The following ST6GALNAC5 variants were observed in gnomAD, a reference collection of about 807,000 sequenced individuals.
ST6GALNAC5 encodes the protein alpha-N-acetylgalactosaminide alpha-2,6-sialyltransferase 5.
ST6GALNAC5 carries 27 observed loss-of-function variants against 33.6 expected under a neutral mutation model. The ratio of observed to expected loss-of-function variants is 0.80; its 90% CI spans 0.59 to 1.11. The LOEUF (loss-of-function observed/expected upper bound fraction) is 1.11, where lower values mean the gene tolerates loss of function less well. Ranked by LOEUF, ST6GALNAC5 falls within the 50% of genes least tolerant of loss-of-function variation. ST6GALNAC5 has a pLI of 0.00. For synonymous variants in ST6GALNAC5, 194 were observed against 171.2 expected (o/e 1.13, Z -1.04); for missense variants, 428 against 454.0 (o/e 0.94, Z 0.52).
At chr1:76,919,207 C>T (rs966959912) in intron 2 of ST6GALNAC5, among the ~76,000 whole-genome samples, 4 of 152,092 alleles carry the variant, frequency 2.6e-5, no homozygotes, top group Non-Finnish European at 4.4e-5. Context: ...GCTTCCAGGC[C>T]GCCTCAGTAA....
At position 76,971,405 on chromosome 1, in the gene ST6GALNAC5, G is replaced by A. The variant is rs978598256; in HGVS notation, c.262-72799G>A. Among the ~76,000 whole-genome samples, 8 of 152,036 alleles carry A rather than the reference G, an allele frequency of 5.3e-5. No individual in the cohort carries two copies. The East Asian group carries it at 5.8e-4, about 11-fold the overall frequency. The stretch of plus-strand genomic sequence containing the variant: ...CACTTGCGTGGGATATTGATTTCAC[G>A]GAGGATGGTGAGTGAGAAACCACTA... On this transcript the variant is annotated intron_variant, in intron 2 of 4. Coordinates refer to ENST00000477717, the MANE Select transcript of ST6GALNAC5 (RefSeq NM_030965.3).
intron 3 of ST6GALNAC5, among the ~76,000 whole-genome samples, chr1:77,045,299 C>T (rs1390087563): frequency 6.6e-6 from 1 of 152,194 alleles, no homozygotes; most frequent in Non-Finnish European, 1.5e-5. Context: ...ATAGAAAAGA[C>T]ATTATCAGCA....
intron 2 of ST6GALNAC5, among the ~76,000 whole-genome samples, chr1:76,965,089 G>A (rs1387966729): frequency 1.3e-5 from 2 of 152,146 alleles, no homozygotes; most frequent in Non-Finnish European, 2.9e-5. Flanking sequence ...TGTCTTTATA[G>A]TAGCATGATT....
chr1:76,886,256 A>G (rs1407225065), intron 2 of ST6GALNAC5, among the ~76,000 whole-genome samples: 1 of 151,808 alleles, frequency 6.6e-6, no homozygotes, highest in Non-Finnish European at 1.5e-5. Context: ...CATTTTCTTT[A>G]TCTTATTTTA....
intron 2 of ST6GALNAC5, among the ~76,000 whole-genome samples, chr1:76,936,151 T>A (rs1647200724): frequency 1.3e-5 from 2 of 152,054 alleles, no homozygotes; most frequent in South Asian, 4.1e-4. Flanking sequence ...AATAGATACC[T>A]CTAGTTGGGT....
intron 2 of ST6GALNAC5, among the ~76,000 whole-genome samples, chr1:76,938,750 A>G (rs1647256234): frequency 6.6e-6 from 1 of 152,122 alleles, no homozygotes; most frequent in Admixed American, 6.5e-5. Flanking sequence ...GAATCCCTGG[A>G]ACAACTAGGA....
chr1:76,991,033 C>G (rs1454543980), intron 2 of ST6GALNAC5, among the ~76,000 whole-genome samples: 1 of 152,124 alleles, frequency 6.6e-6, no homozygotes, highest in Non-Finnish European at 1.5e-5. Flanking sequence ...ATCTCACCCT[C>G]TCTGTGTCAC....
chr1:77,027,156 T>C (rs1372437472), intron 2 of ST6GALNAC5, among the ~76,000 whole-genome samples: 1 of 152,250 alleles, frequency 6.6e-6, no homozygotes, highest in Non-Finnish European at 1.5e-5. Flanking sequence ...TTCACGGTTC[T>C]GTAATGTACT....
At chr1:77,060,789 A>G (rs1652550384) in intron 4 of ST6GALNAC5, among the ~76,000 whole-genome samples, 3 of 152,130 alleles carry the variant, frequency 2.0e-5, no homozygotes, top group Admixed American at 1.3e-4. Flanking sequence ...TAGGTGCCGA[A>G]TCAATCTTAT....
At chr1:77,059,044 T>C (rs1332037227) in intron 4 of ST6GALNAC5, among the ~76,000 whole-genome samples, 1 of 152,238 alleles carries the variant, frequency 6.6e-6, no homozygotes, top group Non-Finnish European at 1.5e-5. Context: ...TTTGTTGTTA[T>C]GATATGTATT....
chr1:77,059,658 A>C (rs1032992669), intron 4 of ST6GALNAC5, among the ~76,000 whole-genome samples: 1 of 152,096 alleles, frequency 6.6e-6, no homozygotes, highest in Non-Finnish European at 1.5e-5. Flanking sequence ...CTTGGGAGAG[A>C]TACTTTCAGG....
At chr1:76,972,573 A>G (rs1414119237) in intron 2 of ST6GALNAC5, among the ~76,000 whole-genome samples, 1 of 152,216 alleles carries the variant, frequency 6.6e-6, no homozygotes, top group African/African-American at 2.4e-5. Context: ...TACTTAAATC[A>G]GTCCCTTACT....
intron 2 of ST6GALNAC5, among the ~76,000 whole-genome samples, chr1:76,968,286 T>C (rs1366882760): frequency 6.6e-6 from 1 of 152,232 alleles, no homozygotes; most frequent in Non-Finnish European, 1.5e-5. Context: ...TGCATATATA[T>C]TAAGGATAGT....
intron 4 of ST6GALNAC5, among the ~76,000 whole-genome samples, chr1:77,057,006 C>T (rs1345710921): frequency 6.6e-6 from 1 of 152,194 alleles, no homozygotes; most frequent in African/African-American, 2.4e-5. Flanking sequence ...TTCTCAATGC[C>T]TCATAGTGTC....
intron 2 of ST6GALNAC5, among the ~76,000 whole-genome samples, chr1:77,003,646 T>G (rs1233347273): frequency 6.6e-6 from 1 of 152,158 alleles, no homozygotes; most frequent in Non-Finnish European, 1.5e-5. Context: ...TTCCTTTCCA[T>G]GTTTAGCGCT....
chr1:76,877,672 T>C (rs1653677953), intron 2 of ST6GALNAC5, among the ~76,000 whole-genome samples: 3 of 152,234 alleles, frequency 2.0e-5, no homozygotes. Flanking sequence ...AAGTCCAGTG[T>C]GTTTGCTACT....
chr1:76,870,570 G>T (rs1261040006), intron 2 of ST6GALNAC5, among the ~76,000 whole-genome samples: 4 of 152,130 alleles, frequency 2.6e-5, no homozygotes, highest in African/African-American at 7.2e-5. Flanking sequence ...AAATATGTTT[G>T]ATTTCAATTT....
At chr1:77,009,050 T>C (rs1198925593) in intron 2 of ST6GALNAC5, among the ~76,000 whole-genome samples, 1 of 152,174 alleles carries the variant, frequency 6.6e-6, no homozygotes, top group East Asian at 1.9e-4. Context: ...TGGCCACTAT[T>C]TGAGCAACTT....
intron 2 of ST6GALNAC5, among the ~76,000 whole-genome samples, chr1:76,890,876 A>G (rs995065703): frequency 1.3e-5 from 2 of 152,160 alleles, no homozygotes; most frequent in Non-Finnish European, 2.9e-5. Context: ...TATCGATTTG[A>G]GCATAAGATA....
Sources: allele counts gnomAD v4.1 joint callset (sites outside exome capture counted in the v4.1 genomes callset), GRCh38; gene constraint gnomAD v4.1.1; transcripts MANE v1.5; gene names NCBI Gene and HGNC (gene_info 2026-07-23, HGNC 2026-07-21).